SLC22A24: variants seen among roughly 807,000 people sequenced by gnomAD.
The protein encoded by SLC22A24 is solute carrier family 22 member 24, also known as steroid transmembrane transporter SLC22A24.
SLC22A24 carries 53 observed loss-of-function variants against 49.8 expected under a neutral mutation model. That is an observed-to-expected ratio of 1.06 (90% CI 0.85 to 1.34). SLC22A24 has a LOEUF of 1.34. Among genes scored for constraint, SLC22A24 ranks in the 40% most tolerant of loss-of-function variants. SLC22A24 has a pLI of 0.00. For synonymous variants in SLC22A24, 302 were observed against 256.4 expected (o/e 1.18, Z -1.70); for missense variants, 786 against 675.9 (o/e 1.16, Z -1.81).
Position 63,113,231 on chromosome 11 carries a change from T to TATATATATACACATATATATATATAC in SLC22A24, c.830+5680_830+5681insGTATATATATATATGTGTATATATAT, listed in dbSNP as rs1565332411. 1.8e-4 allele frequency among the ~76,000 whole-genome samples: 23 copies of TATATATATACACATATATATATATAC among 125,212 alleles called. 7 individuals carry two copies. The highest frequency in any genetic ancestry group is 8.0e-4 in the African/African-American group (23 of 28,870). The allele number at this position is 125,212 out of a possible 152,430, so 82.1% of individuals were successfully genotyped here. A position where few individuals can be genotyped will look rare whatever the true frequency, so the allele number is the denominator to read the frequency against. ...ATATATACACATATATATATATACATATATATATATATACACACATACACA... is the reference window on the plus strand; with the variant it reads ...ATATATACACATATATATATATACATATATATATACACATATATATATATACATATATATATATACACACATACACA... On this transcript the variant is annotated intron_variant, in intron 4 of 9. Transcript: ENST00000612278.
At chr11:63,099,108 G>A (rs1427587929) in intron 5 of SLC22A24, among the ~76,000 whole-genome samples, 1 of 152,070 alleles carries the variant, frequency 6.6e-6, no homozygotes, top group East Asian at 1.9e-4. Flanking sequence ...TAATGACATT[G>A]AAGCCACAAT....
intron 7 of SLC22A24, among the ~76,000 whole-genome samples, chr11:63,082,154 C>A (rs2086963791): frequency 6.6e-6 from 1 of 152,018 alleles, no homozygotes; most frequent in Non-Finnish European, 1.5e-5. Context: ...AATGTGGGAA[C>A]AATTTTAGAT....
In SLC22A24 at chr11:63,083,321, T is replaced by C. The variant is rs1252328396; in HGVS notation, c.1207A>G (p.Met403Val). ...AATATCTGGCTTATTCGACGACCCATATGATTCAGTGTCAAAAGGGAAACA... is the reference window on the plus strand; with the variant it reads ...AATATCTGGCTTATTCGACGACCCACATGATTCAGTGTCAAAAGGGAAACA... ...RCVSLLTLNH[M>V]GRRISQILFT... The change falls in exon 7 of 10, where the codon ATG becomes GTG. Residue 403 changes from methionine (M) to valine (V), a missense_variant. Transcript: ENST00000612278. 3 of 1,559,734 alleles carry C rather than the reference T, an allele frequency of 1.9e-6. No individual in the cohort carries two copies. The highest frequency in any genetic ancestry group is 2.6e-6 in the Non-Finnish European group (3 of 1,150,794).
intron 2 of SLC22A24, among the ~76,000 whole-genome samples, chr11:63,120,227 C>T (rs918753067): frequency 6.8e-5 from 10 of 148,020 alleles, no homozygotes; most frequent in African/African-American, 2.0e-4. Flanking sequence ...AATGCCTATT[C>T]CCACTCATAG....
intron 4 of SLC22A24, among the ~76,000 whole-genome samples, chr11:63,113,380 A>T (rs1050247487): frequency 1.3e-5 from 2 of 151,724 alleles, no homozygotes; most frequent in African/African-American, 4.8e-5. Context: ...ATGTTTTTGC[A>T]GTGGCTGGTA....
chr11:63,102,915 G>T (rs190923721), intron 5 of SLC22A24, among the ~76,000 whole-genome samples: 2 of 152,128 alleles, frequency 1.3e-5, no homozygotes, highest in East Asian at 3.9e-4. Context: ...TATCATTATT[G>T]TATGCTGGAT....
intron 4 of SLC22A24, among the ~76,000 whole-genome samples, chr11:63,113,973 T>C (rs1341510458): frequency 2.0e-5 from 3 of 152,124 alleles, no homozygotes; most frequent in Non-Finnish European, 4.4e-5. Context: ...TAACCCGACC[T>C]TTCTCTCTGG....
chr11:63,095,874 AT>A, intron 6 of SLC22A24, 116 bp downstream of exon 6: 1 of 747,480 alleles, frequency 1.3e-6, no homozygotes, highest in South Asian at 1.8e-5. Context: ...TTTGTATGTG[AT>A]TTTCTCTTCT....
chr11:63,130,510 T>C (rs1363227977), intron 2 of SLC22A24, among the ~76,000 whole-genome samples: 1 of 152,170 alleles, frequency 6.6e-6, no homozygotes, highest in Non-Finnish European at 1.5e-5. Context: ...GGGAGGATTC[T>C]CTCTTTTTCT....
chr11:63,093,518 A>G (rs752420487), intron 6 of SLC22A24, among the ~76,000 whole-genome samples: 13 of 152,152 alleles, frequency 8.5e-5, no homozygotes, highest in Non-Finnish European at 1.8e-4. Flanking sequence ...AGCCATAAAA[A>G]GGAATGGAAT....
At chr11:63,142,084 T>G (rs2087419134) in intron 1 of SLC22A24, among the ~76,000 whole-genome samples, 1 of 152,214 alleles carries the variant, frequency 6.6e-6, no homozygotes, top group South Asian at 2.1e-4. Context: ...ATTATTTACC[T>G]TATAGCATGC....
At chr11:63,105,124 C>A (rs904496945) in intron 4 of SLC22A24, among the ~76,000 whole-genome samples, 5 of 152,214 alleles carry the variant, frequency 3.3e-5, no homozygotes, top group Admixed American at 1.3e-4. Flanking sequence ...CCAGGTCATG[C>A]CGATGCAAGG....
intron 6 of SLC22A24, 41 bp downstream of exon 6, chr11:63,095,950 C>T: frequency 1.5e-6 from 2 of 1,363,078 alleles, no homozygotes; most frequent in Admixed American, 2.0e-5. Flanking sequence ...AGTTTTGTGT[C>T]TCCAATATTT....
At chr11:63,118,662 G>A (rs1422542414) in intron 4 of SLC22A24, 3 of 545,032 alleles carry the variant, frequency 5.5e-6, no homozygotes, top group Non-Finnish European at 9.8e-6. Flanking sequence ...AAATAAGTGG[G>A]TATTTTTTCT....
At chr11:63,120,347 A>G (rs184524563) in intron 2 of SLC22A24, among the ~76,000 whole-genome samples, 5,562 of 149,478 alleles carry the variant, frequency 0.037, 168 homozygotes, top group Non-Finnish European at 0.061. Flanking sequence ...AGATATACCT[A>G]ATGCTAGATG....
intron 6 of SLC22A24, among the ~76,000 whole-genome samples, chr11:63,095,418 C>G (rs1462092859): frequency 6.6e-6 from 1 of 152,062 alleles, no homozygotes; most frequent in Non-Finnish European, 1.5e-5. Flanking sequence ...TACTGTTATG[C>G]AAGACAAAAT....
intron 4 of SLC22A24, among the ~76,000 whole-genome samples, chr11:63,109,624 T>C (rs1164953248): frequency 6.6e-6 from 1 of 151,500 alleles, no homozygotes. Context: ...TTCATGTGTC[T>C]TTTGGCTGCA....
intron 6 of SLC22A24, among the ~76,000 whole-genome samples, chr11:63,084,070 A>G (rs1203839315): frequency 6.6e-6 from 1 of 152,196 alleles, no homozygotes; most frequent in Non-Finnish European, 1.5e-5. Flanking sequence ...TACCCTTCTT[A>G]CCATATCAAC....
intron 5 of SLC22A24, among the ~76,000 whole-genome samples, chr11:63,100,043 GT>G (rs1400352271): frequency 1.3e-5 from 2 of 152,042 alleles, no homozygotes; most frequent in East Asian, 3.9e-4. Flanking sequence ...TTTCACTACT[GT>G]TTTTCAACAT....
Sources: allele counts gnomAD v4.1 joint callset (sites outside exome capture counted in the v4.1 genomes callset), GRCh38; gene constraint gnomAD v4.1.1; transcripts MANE v1.5; gene names NCBI Gene and HGNC (gene_info 2026-07-23, HGNC 2026-07-21).